ATP8B4: variants seen among roughly 807,000 people sequenced by gnomAD.
ATP8B4 encodes probable phospholipid-transporting ATPase IM.
Under a neutral mutation model 145.6 loss-of-function variants are expected in ATP8B4, and 133 were observed. The ratio of observed to expected loss-of-function variants is 0.91; its 90% CI spans 0.79 to 1.05. The LOEUF (loss-of-function observed/expected upper bound fraction) is 1.05. Among genes scored for constraint, ATP8B4 ranks in the 50% least tolerant of loss-of-function variants. The probability of loss-of-function intolerance (pLI) is 0.00; values close to 1 mark genes in which losing one functional copy is unlikely to be tolerated. For synonymous variants in ATP8B4, 507 were observed against 492.9 expected, an observed-to-expected ratio of 1.03 and a Z score of -0.38; for missense variants, 1,458 against 1,425.2, an observed-to-expected ratio of 1.02 and a Z score of -0.37.
chr15:50,051,145 T>G (rs1379588426), intron 3 of ATP8B4, among the ~76,000 whole-genome samples: 1 of 152,228 alleles, frequency 6.6e-6, no homozygotes, highest in Non-Finnish European at 1.5e-5. Context: ...CTGATGCTGC[T>G]ATGCTCATGA....
rs2031448530 is a variant in ATP8B4 at position 49,860,486 on chromosome 15, A to C, written c.3298-11T>G. On this transcript the variant is annotated splice_polypyrimidine_tract_variant and intron_variant, in intron 27 of 27. Transcript: ENST00000284509. ...CTGCCACCGGCGGATCTGGAGAGAA[A>C]CAGACCCAAAGTGAGATGATGCATC... 6.3e-7 allele frequency: 1 copy of C among 1,598,118 alleles called. No homozygotes were observed. Among genetic ancestry groups the C allele is most frequent in the Non-Finnish European group, 8.5e-7 (1 of 1,173,698 alleles).
chr15:50,009,788 G>A (rs2048591093), intron 7 of ATP8B4: 1 of 387,494 alleles, frequency 2.6e-6, no homozygotes. Flanking sequence ...AACCAGAGTG[G>A]ACTTTGAGAC....
chr15:50,077,826 G>A lies in ATP8B4; in HGVS notation c.29-3641C>T, dbSNP rs149192618. On this transcript the variant is annotated intron_variant, in intron 2 of 27. Coordinates refer to ENST00000284509, the MANE Select transcript of ATP8B4 (RefSeq NM_024837.4). ...GGAAGAGCTCTGCCCCTCTACAGCA[G>A]CTATAGCCAACTTGGCCCCTAGTAA... 3.3e-5 allele frequency among the ~76,000 whole-genome samples: 5 copies of A among 152,258 alleles called. No individual in the cohort carries two copies. In the East Asian group the frequency reaches 5.8e-4, roughly 18 times the overall value.
In ATP8B4 at chr15:50,101,204, G is replaced by A. The variant is rs576866402; in HGVS notation, c.28+5735C>T. On this transcript the variant is annotated intron_variant, in intron 2 of 27. Transcript: ENST00000284509. ...GAGGAAAGTGAAAAATGGGATATATGCCATTTATCAATGTTACATTTCTCA... is the reference window on the plus strand; with the variant it reads ...GAGGAAAGTGAAAAATGGGATATATACCATTTATCAATGTTACATTTCTCA... Among the ~76,000 whole-genome samples, 3 of 152,198 alleles carry A rather than the reference G, an allele frequency of 2.0e-5. No individual in the cohort carries two copies. In the South Asian group the frequency reaches 6.2e-4, roughly 32 times the overall value.
intron 19 of ATP8B4, among the ~76,000 whole-genome samples, chr15:49,918,256 G>A (rs560734803): frequency 2.6e-5 from 4 of 152,206 alleles, no homozygotes; most frequent in Non-Finnish European, 5.9e-5. Context: ...AAGCCTGAAG[G>A]TCAATGAATT....
intron 1 of ATP8B4, among the ~76,000 whole-genome samples, chr15:50,150,682 ATC>A (rs374169142): frequency 1.2e-4 from 19 of 152,358 alleles, no homozygotes; most frequent in South Asian, 1.0e-3. Context: ...GGGGTTTGCT[ATC>A]ATCCCCAAGT....
In ATP8B4 at chr15:49,859,828, C is replaced by A; in HGVS notation, c.*366G>T. The A allele has an allele frequency of 5.0e-6, 1 of 200,894 alleles. No individual in the cohort carries two copies. Among genetic ancestry groups the A allele is most frequent in the Non-Finnish European group, 1.0e-5 (1 of 99,198 alleles). The allele number at this position is 200,894 out of a possible 1,614,324, so 12.4% of individuals were successfully genotyped here. A position where few individuals can be genotyped will look rare whatever the true frequency, so the allele number is the denominator to read the frequency against. Reference sequence around the variant, plus strand: ...AGCTTGGATATATACCTTTAAAATGCACCCTTTTATCCGCCTGAGGATCCA... The same window carrying A: ...AGCTTGGATATATACCTTTAAAATGAACCCTTTTATCCGCCTGAGGATCCA... On this transcript the variant is annotated 3_prime_UTR_variant, in exon 28 of 28. Transcript: ENST00000284509.
Position 49,979,682 on chromosome 15 carries a change from T to C in ATP8B4, c.969A>G (p.Gly323=), listed in dbSNP as rs555103736. 6.2e-7 allele frequency: 1 copy of C among 1,607,430 alleles called. No individual in the cohort carries two copies. The highest frequency in any genetic ancestry group is 8.5e-7 in the Non-Finnish European group (1 of 1,175,296). ...NEGEKSSVFS[G]FLTFWSYIII... ...TAATATATGACCAGAATGTTAAGAA[T>C]CCGGAGAACACAGAGCTCTTCTCTC... Residue 323 remains glycine, a synonymous_variant, in exon 12 of 28, where the codon GGA becomes GGG. Coordinates refer to ENST00000284509, the MANE Select transcript of ATP8B4 (RefSeq NM_024837.4).
chr15:50,002,188 A>G lies in ATP8B4; in HGVS notation c.471T>C (p.His157=), dbSNP rs981632178. 4 of 1,611,226 alleles carry G rather than the reference A, an allele frequency of 2.5e-6. No homozygotes were observed. The African/African-American group carries it at 5.3e-5, about 22-fold the overall frequency. The stretch of plus-strand genomic sequence containing the variant: ...CAGCAGTTTCAACATAACAGAGACC[A>G]TGTGGCTCACTACTTGATAGGAGAA... The part of the protein sequence containing the change: ...DLLLLSSSEP[H]GLCYVETAEL... Residue 157 remains histidine, a synonymous_variant, in exon 8 of 28, where the codon CAT becomes CAC. Transcript: ENST00000284509.
chr15:50,098,259 T>C (rs565684864), intron 2 of ATP8B4, among the ~76,000 whole-genome samples: 11 of 144,244 alleles, frequency 7.6e-5, no homozygotes, highest in Non-Finnish European at 1.5e-4. Flanking sequence ...TTCTGTATTG[T>C]CAGGTGATTT....
chr15:50,038,811 T>TA lies in ATP8B4; in HGVS notation c.318dup (p.Asn107Ter). 1.2e-6 allele frequency: 2 copies of TA among 1,613,712 alleles called. No individual in the cohort carries two copies. Among genetic ancestry groups the TA allele is most frequent in the South Asian group, 1.1e-5 (1 of 91,056 alleles). Reference sequence around the variant, plus strand: ...TCAGACTGCCGATTATTCACTTGATTATCACTCTTGTGGCGAAACTGAAAA... The same window carrying TA: ...TCAGACTGCCGATTATTCACTTGATTAATCACTCTTGTGGCGAAACTGAAAA... On this transcript the variant is annotated frameshift_variant, in exon 6 of 28. Coordinates refer to ENST00000284509, the MANE Select transcript of ATP8B4 (RefSeq NM_024837.4). LOFTEE classifies it high-confidence loss of function.
Position 49,901,124 on chromosome 15 carries a change from C to T in ATP8B4, c.2257G>A (p.Asp753Asn). The T allele has an allele frequency of 1.2e-6, 2 of 1,613,506 alleles. No homozygotes were observed. The highest frequency in any genetic ancestry group is 1.7e-6 in the Non-Finnish European group (2 of 1,179,634). The change falls in exon 21 of 28, where the codon GAT becomes AAT. Residue 753 changes from aspartate (D) to asparagine (N), a missense_variant. Asp to Asn is a conservative substitution (Grantham distance 23). Coordinates refer to ENST00000284509, the MANE Select transcript of ATP8B4 (RefSeq NM_024837.4). ...DSIVEETITG[D>N]YALIINGHSL... ...TGGCCATTTATGATTAAGGCATAAT[C>T]TCCTGTTATGGTTTCTTCTACAATA...
rs1026779279 is a variant in ATP8B4 at position 49,859,476 on chromosome 15, A to G, written c.*718T>C. ...ATACTTAGTGGCGAGCCTCTCTCACATTTCATAAGCATGTCCTTACATGAC... is the reference window on the plus strand; with the variant it reads ...ATACTTAGTGGCGAGCCTCTCTCACGTTTCATAAGCATGTCCTTACATGAC... On this transcript the variant is annotated 3_prime_UTR_variant, in exon 28 of 28. Transcript: ENST00000284509. 5 of 152,218 alleles carry G rather than the reference A, an allele frequency of 3.3e-5. No homozygotes were observed. Among genetic ancestry groups the G allele is most frequent in the Non-Finnish European group, 5.9e-5 (4 of 68,044 alleles). The allele number at this position is 152,218 out of a possible 1,614,324, so 9.4% of individuals were successfully genotyped here. A position where few individuals can be genotyped will look rare whatever the true frequency, so the allele number is the denominator to read the frequency against.
At chr15:49,967,524 G>C (rs1045579279) in intron 13 of ATP8B4, among the ~76,000 whole-genome samples, 3 of 152,104 alleles carry the variant, frequency 2.0e-5, no homozygotes, top group Non-Finnish European at 4.4e-5. Flanking sequence ...GGATATCAGA[G>C]AGATTGAAGA....
intron 2 of ATP8B4, among the ~76,000 whole-genome samples, chr15:50,080,185 T>G (rs1451301331): frequency 6.6e-6 from 1 of 152,236 alleles, no homozygotes; most frequent in Non-Finnish European, 1.5e-5. Flanking sequence ...TATAATTTGA[T>G]GCCTTCCTCA....
At chr15:50,116,925 TAGG>T (rs896143593) in intron 1 of ATP8B4, among the ~76,000 whole-genome samples, 8 of 152,292 alleles carry the variant, frequency 5.3e-5, no homozygotes, top group Admixed American at 2.0e-4. Context: ...ATAATGTTGC[TAGG>T]AGGTTACTAT....
chr15:50,049,247 C>T (rs776380564), intron 3 of ATP8B4, among the ~76,000 whole-genome samples: 2 of 152,206 alleles, frequency 1.3e-5, no homozygotes, highest in Non-Finnish European at 2.9e-5. Flanking sequence ...TCCACTCTCC[C>T]TAGTAACAAG....
Position 49,889,497 on chromosome 15 carries a change from A to G in ATP8B4, c.2697+7795T>C, listed in dbSNP as rs1298036768. Among the ~76,000 whole-genome samples, 3 of 152,222 alleles carry G rather than the reference A, an allele frequency of 2.0e-5. No homozygotes were observed. The South Asian group carries it at 6.2e-4, about 31-fold the overall frequency. Reference sequence around the variant, plus strand: ...CATAAGCAACGTACTGAAGTTAACCAGAGGAAAGTCCATAAACCAACGACA... The same window carrying G: ...CATAAGCAACGTACTGAAGTTAACCGGAGGAAAGTCCATAAACCAACGACA... On this transcript the variant is annotated intron_variant, in intron 23 of 27. Transcript: ENST00000284509.
intron 6 of ATP8B4, among the ~76,000 whole-genome samples, chr15:50,037,139 G>T (rs916751528): frequency 6.6e-6 from 1 of 152,104 alleles, no homozygotes; most frequent in Non-Finnish European, 1.5e-5. Flanking sequence ...TATTTTGACT[G>T]GTAATTTGAG....
Sources: allele counts gnomAD v4.1 joint callset (sites outside exome capture counted in the v4.1 genomes callset), GRCh38; gene constraint gnomAD v4.1.1; transcripts MANE v1.5; gene names NCBI Gene and HGNC (gene_info 2026-07-23, HGNC 2026-07-21).